Variants in PSD3 observed in about 807,000 individuals in gnomAD.
The protein encoded by PSD3 is PH and SEC7 domain-containing protein 3.
A neutral mutation model predicts 105.5 loss-of-function variants in PSD3; 49 were observed. The ratio of observed to expected loss-of-function variants is 0.46; its 90% CI spans 0.37 to 0.59. PSD3 has a LOEUF of 0.59. PSD3 is among the 20% of genes least tolerant of loss of function. The pLI is 0.00. For synonymous variants in PSD3, 557 were observed against 457.8 expected (o/e 1.22, Z -2.77); for missense variants, 1,561 against 1,263.8 (o/e 1.24, Z -3.57).
chr8:18,837,824 A>G (rs932233202), intron 4 of PSD3, among the ~76,000 whole-genome samples: 2 of 152,316 alleles, frequency 1.3e-5, no homozygotes, highest in South Asian at 2.1e-4. Context: ...AGCACTAGTC[A>G]TCTCTGAGAT....
chr8:18,944,889 C>T (rs1231658317), intron 1 of PSD3, among the ~76,000 whole-genome samples: 6 of 152,172 alleles, frequency 3.9e-5, no homozygotes, highest in Non-Finnish European at 7.3e-5. Context: ...TCTCACGCCA[C>T]AGAATGTTCC....
intron 9 of PSD3, among the ~76,000 whole-genome samples, chr8:18,695,756 C>A (rs1478812438): frequency 6.6e-6 from 1 of 152,144 alleles, no homozygotes; most frequent in East Asian, 1.9e-4. Context: ...TACCTTGTAA[C>A]CTCACAGTTC....
At chr8:18,699,811 C>T (rs1801469937) in intron 9 of PSD3, among the ~76,000 whole-genome samples, 1 of 151,786 alleles carries the variant, frequency 6.6e-6, no homozygotes, top group South Asian at 2.1e-4. Context: ...AGCCAAAGTT[C>T]ATTAGGGTTT....
At chr8:18,541,958 G>T (rs1800173239) in intron 15 of PSD3, among the ~76,000 whole-genome samples, 1 of 151,986 alleles carries the variant, frequency 6.6e-6, no homozygotes, top group Non-Finnish European at 1.5e-5. Context: ...TCTCCATGTT[G>T]GTCAGGCTGG....
At chr8:18,735,883 T>C (rs1384604650) in intron 9 of PSD3, among the ~76,000 whole-genome samples, 1 of 152,120 alleles carries the variant, frequency 6.6e-6, no homozygotes, top group Non-Finnish European at 1.5e-5. Context: ...AGGAAACTTA[T>C]TTGGCAAATT....
intron 8 of PSD3, among the ~76,000 whole-genome samples, chr8:18,776,377 T>C (rs1473317203): frequency 7.0e-6 from 1 of 143,504 alleles, no homozygotes; most frequent in Non-Finnish European, 1.5e-5. Context: ...TATATGTATA[T>C]ATATAATTTT....
intron 10 of PSD3, among the ~76,000 whole-genome samples, chr8:18,652,493 G>GTTTTTTTTTT (rs67555804): frequency 1.8e-4 from 17 of 92,600 alleles, no homozygotes; most frequent in East Asian, 3.3e-4. Context: ...AAAAAGCTTA[G>GTTTTTTTTTT]TTTTTTTTTT....
intron 2 of PSD3, among the ~76,000 whole-genome samples, chr8:18,879,408 C>T (rs1002089273): frequency 1.3e-5 from 2 of 151,972 alleles, no homozygotes; most frequent in Admixed American, 6.6e-5. Flanking sequence ...CTGGAACAGA[C>T]GGGGGGAGAC....
In PSD3 at chr8:18,893,072, A is replaced by T. The variant is rs536019224; in HGVS notation, c.131-20339T>A. Among the ~76,000 whole-genome samples the T allele has an allele frequency of 2.6e-5, 4 of 152,316 alleles. 1 individual carries two copies. The East Asian group carries it at 5.8e-4, about 22-fold the overall frequency. ...ACTATTGTATCCCCATGTCACTGAGAACCCCAGAAAGTACCAGCATCAAAT... is the reference window on the plus strand; with the variant it reads ...ACTATTGTATCCCCATGTCACTGAGTACCCCAGAAAGTACCAGCATCAAAT... On this transcript the variant is annotated intron_variant, in intron 2 of 15. Coordinates refer to ENST00000327040, the MANE Select transcript of PSD3 (RefSeq NM_015310.4).
intron 1 of PSD3, among the ~76,000 whole-genome samples, chr8:18,959,069 C>T (rs1398372088): frequency 6.6e-6 from 1 of 151,722 alleles, no homozygotes; most frequent in East Asian, 1.9e-4. Flanking sequence ...TACAGGCACA[C>T]ATCATCACGC....
chr8:18,682,271 A>G (rs953059931), intron 9 of PSD3, among the ~76,000 whole-genome samples: 5 of 152,208 alleles, frequency 3.3e-5, no homozygotes, highest in Admixed American at 6.5e-5. Context: ...ACTGCATACC[A>G]TGGGTATACT....
At chr8:18,580,258 G>T (rs1347753991) in intron 12 of PSD3, among the ~76,000 whole-genome samples, 2 of 152,028 alleles carry the variant, frequency 1.3e-5, no homozygotes, top group Admixed American at 1.3e-4. Flanking sequence ...GCCAGAGATG[G>T]ACCTGCTCCG....
Sources: allele counts gnomAD v4.1 joint callset (sites outside exome capture counted in the v4.1 genomes callset), GRCh38; gene constraint gnomAD v4.1.1; transcripts MANE v1.5; gene names NCBI Gene and HGNC (gene_info 2026-07-23, HGNC 2026-07-21).